Variants in AGAP1 observed in about 807,000 individuals in gnomAD.
AGAP1 encodes the protein arf-GAP with GTPase, ANK repeat and PH domain-containing protein 1.
AGAP1 carries 29 observed loss-of-function variants against 105.3 expected under a neutral mutation model. The ratio of observed to expected loss-of-function variants is 0.28; its 90% CI spans 0.21 to 0.38. The LOEUF (loss-of-function observed/expected upper bound fraction) is 0.38. AGAP1 is among the 10% of genes least tolerant of loss of function. The probability of loss-of-function intolerance (pLI) is 1.00; values close to 1 mark genes in which losing one functional copy is unlikely to be tolerated. For missense variants in AGAP1, 998 were observed against 1,165.1 expected (o/e 0.86, Z 2.09); for synonymous variants, 509 against 485.9 (o/e 1.05, Z -0.63).
intron 1 of AGAP1, among the ~76,000 whole-genome samples, chr2:235,669,453 C>G (rs1303262916): frequency 6.6e-6 from 1 of 151,452 alleles, no homozygotes; most frequent in Non-Finnish European, 1.5e-5. Context: ...CTCCGGTCCG[C>G]GCTGCGTCGA....
chr2:235,586,892 G>A lies in AGAP1; in HGVS notation c.163+92043G>A, dbSNP rs1439051280. On this transcript the variant is annotated intron_variant, in intron 1 of 17. Coordinates refer to ENST00000304032, the MANE Select transcript of AGAP1 (RefSeq NM_001037131.3). This position sits in a 1 kb window ranked among gnomAD's most constrained non-coding sequence, Gnocchi z 4.2. Reference sequence around the variant, plus strand: ...GAGTGTAGTTCATATACCATGCACAGCCTGTCAGCATACAGCTTGAATGAA... The same window carrying A: ...GAGTGTAGTTCATATACCATGCACAACCTGTCAGCATACAGCTTGAATGAA... 6.6e-6 allele frequency among the ~76,000 whole-genome samples: 1 copy of A among 152,206 alleles called. No homozygotes were observed.
intron 1 of AGAP1, among the ~76,000 whole-genome samples, chr2:235,539,374 C>T (rs1248828988): frequency 6.6e-6 from 1 of 152,194 alleles, no homozygotes; most frequent in African/African-American, 2.4e-5. Flanking sequence ...CTGATTGAAT[C>T]CCACGCCCAT....
chr2:236,103,516 CTTT>C (rs999033178), intron 16 of AGAP1, among the ~76,000 whole-genome samples: 1 of 150,858 alleles, frequency 6.6e-6, no homozygotes, highest in Non-Finnish European at 1.5e-5. Context: ...CTTTTCTTTT[CTTT>C]TTTTTCTTTC....
chr2:236,086,952 T>C (rs1185717310), intron 16 of AGAP1, among the ~76,000 whole-genome samples: 1 of 151,180 alleles, frequency 6.6e-6, no homozygotes, highest in Non-Finnish European at 1.5e-5. Context: ...CTGGTGGGTT[T>C]TGTGTGGCTA....
intron 12 of AGAP1, among the ~76,000 whole-genome samples, chr2:235,933,695 GC>G (rs893944397): frequency 5.1e-4 from 78 of 152,176 alleles, no homozygotes; most frequent in African/African-American, 1.9e-3. Flanking sequence ...ACCGTGCCCG[GC>G]TAATTTTTGT....
In AGAP1 at chr2:236,087,139, A is replaced by G. The variant is rs926882848; in HGVS notation, c.2115-33053A>G. Among the ~76,000 whole-genome samples the G allele has an allele frequency of 3.4e-4, 52 of 152,308 alleles. No individual in the cohort carries two copies. Among genetic ancestry groups the G allele is most frequent in the Admixed American group, 5.9e-4 (9 of 15,300 alleles). On this transcript the variant is annotated intron_variant, in intron 16 of 17. Coordinates refer to ENST00000304032, the MANE Select transcript of AGAP1 (RefSeq NM_001037131.3). This position sits in a 1 kb window ranked among gnomAD's most constrained non-coding sequence, Gnocchi z 5.7. Reference sequence around the variant, plus strand: ...TCCCTAAAAACAGAGCTGAAAAGGAAGAAGGCCCATTTGCTTCTGGGAATC... The same window carrying G: ...TCCCTAAAAACAGAGCTGAAAAGGAGGAAGGCCCATTTGCTTCTGGGAATC...
chr2:235,499,644 T>C (rs1014018129), intron 1 of AGAP1, among the ~76,000 whole-genome samples: 3 of 152,152 alleles, frequency 2.0e-5, no homozygotes, highest in Non-Finnish European at 4.4e-5. Flanking sequence ...GCAGGTGCTC[T>C]TTGAGATGCC....
intron 1 of AGAP1, among the ~76,000 whole-genome samples, chr2:235,589,881 AT>A (rs1221805240): frequency 2.0e-5 from 3 of 150,196 alleles, no homozygotes; most frequent in Non-Finnish European, 4.4e-5. Flanking sequence ...GTAGGAAGTT[AT>A]TTTCCTTTTT....
rs141937135 is a variant in AGAP1, at chr2:236,035,527, G to A, written c.1646-1034G>A. The stretch of plus-strand genomic sequence containing the variant: ...CTGTAGTCCGAGCTACTCAGGAGGC[G>A]AAGGCAGGCTCGCTTGAGCCTGGGA... On this transcript the variant is annotated intron_variant, in intron 13 of 17. Coordinates refer to ENST00000304032, the MANE Select transcript of AGAP1 (RefSeq NM_001037131.3). The surrounding 1 kb of genome is among the most constrained non-coding windows in gnomAD (Gnocchi z 4.2). 6.5e-3 allele frequency among the ~76,000 whole-genome samples: 991 copies of A among 152,300 alleles called. 10 individuals carry two copies. Among genetic ancestry groups the A allele is most frequent in the African/African-American group, 0.022 (923 of 41,576 alleles).
chr2:236,112,744 G>A (rs978352964), intron 16 of AGAP1, among the ~76,000 whole-genome samples: 1 of 152,236 alleles, frequency 6.6e-6, no homozygotes. Context: ...CGCTCTCTCA[G>A]TCTGGTCCCT....
chr2:235,808,835 T>C (rs1957979590), intron 9 of AGAP1, among the ~76,000 whole-genome samples: 1 of 152,190 alleles, frequency 6.6e-6, no homozygotes, highest in Non-Finnish European at 1.5e-5. Flanking sequence ...TCCACTTTGA[T>C]GATGGGTGGT....
intron 2 of AGAP1, among the ~76,000 whole-genome samples, chr2:235,709,438 A>G (rs1950718150): frequency 6.6e-6 from 1 of 152,082 alleles, no homozygotes; most frequent in Non-Finnish European, 1.5e-5. Flanking sequence ...GACAGCTATG[A>G]CAGCCATGAC....
intron 14 of AGAP1, among the ~76,000 whole-genome samples, chr2:236,039,291 T>G (rs1258106024): frequency 1.3e-5 from 2 of 151,848 alleles, no homozygotes; most frequent in Non-Finnish European, 2.9e-5. Context: ...ACAAAAAAAT[T>G]TTTAAATAGC....
chr2:236,008,480 T>C (rs1178212441), intron 13 of AGAP1, among the ~76,000 whole-genome samples: 1 of 152,262 alleles, frequency 6.6e-6, no homozygotes, highest in African/African-American at 2.4e-5. Flanking sequence ...AGTTATACTC[T>C]ACTTCAACTC....
intron 16 of AGAP1, among the ~76,000 whole-genome samples, chr2:236,052,322 C>G (rs1298999204): frequency 6.6e-6 from 1 of 152,120 alleles, no homozygotes; most frequent in Non-Finnish European, 1.5e-5. Context: ...CCCCCACCCC[C>G]AAACACACAA....
Position 235,614,942 on chromosome 2 carries a change from G to A in AGAP1, c.164-94237G>A, listed in dbSNP as rs1946260312. 6.6e-6 allele frequency among the ~76,000 whole-genome samples: 1 copy of A among 152,204 alleles called. No individual in the cohort carries two copies. Among genetic ancestry groups the A allele is most frequent in the Non-Finnish European group, 1.5e-5 (1 of 68,038 alleles). On this transcript the variant is annotated intron_variant, in intron 1 of 17. Transcript: ENST00000304032. The surrounding 1 kb of genome is among the most constrained non-coding windows in gnomAD (Gnocchi z 4.7). ...AAATTTGGTTCACTGGGGCCGACTT[G>A]AAAATAGTCAAAGTCCAAGTAAACT...
At position 235,902,850 on chromosome 2, in the gene AGAP1, TGGACTCAAA is replaced by T. The variant is rs1364860847; in HGVS notation, c.1156-5885_1156-5877del. ...TGTCATACCTGAGAAAATGAAGACATGGACTCAAAGGTCGAAATGTTTAAAAATCGGTAG... is the reference window on the plus strand; with the variant it reads ...TGTCATACCTGAGAAAATGAAGACATGGTCGAAATGTTTAAAAATCGGTAG... On this transcript the variant is annotated intron_variant, in intron 10 of 17. Coordinates refer to ENST00000304032, the MANE Select transcript of AGAP1 (RefSeq NM_001037131.3). Among the ~76,000 whole-genome samples the T allele has an allele frequency of 5.3e-5, 8 of 152,360 alleles. No homozygotes were observed. In the South Asian group the frequency reaches 1.2e-3, roughly 24 times the overall value.
chr2:235,720,580 A>G lies in AGAP1; in HGVS notation c.310+2936A>G. Reference sequence around the variant, plus strand: ...TCATCAGACCTCCTTTCCTCTTACAACTGCTAGAGCGATCAACTGGGCAGC... The same window carrying G: ...TCATCAGACCTCCTTTCCTCTTACAGCTGCTAGAGCGATCAACTGGGCAGC... On this transcript the variant is annotated intron_variant, in intron 3 of 17. Transcript: ENST00000304032. This position sits in a 1 kb window ranked among gnomAD's most constrained non-coding sequence, Gnocchi z 5.0. The G allele has an allele frequency of 3.7e-6, 3 of 804,230 alleles. No homozygotes were observed. Among genetic ancestry groups the G allele is most frequent in the Non-Finnish European group, 4.5e-6 (3 of 665,182 alleles). The allele number at this position is 804,230 out of a possible 1,614,324, so 49.8% of individuals were successfully genotyped here.
intron 1 of AGAP1, among the ~76,000 whole-genome samples, chr2:235,681,048 G>A (rs537057063): frequency 5.9e-5 from 9 of 151,984 alleles, no homozygotes; most frequent in South Asian, 2.1e-4. Context: ...TCGCTCTGTC[G>A]CCCAGGCTGG....
Sources: gnomAD v4.1 joint callset for allele counts (sites outside exome capture counted in the v4.1 genomes callset) on GRCh38, gnomAD v4.1.1 for gene constraint, Gnocchi (gnomAD v3.1) non-coding constraint, MANE v1.5 for transcripts, NCBI Gene and HGNC (gene_info 2026-07-23, HGNC 2026-07-21) for gene names.